Variants in CUX2 observed in about 807,000 individuals in gnomAD.
CUX2 encodes cut like homeobox 2, also known as homeobox protein cut-like 2.
In CUX2, 40 loss-of-function variants were observed where a neutral mutation model predicts 144.8. The ratio of observed to expected loss-of-function variants is 0.28; its 90% confidence interval spans 0.21 to 0.36. The LOEUF is 0.36. Ranked by LOEUF, CUX2 falls within the 10% of genes least tolerant of loss-of-function variation. CUX2 has a pLI of 1.00. For missense variants in CUX2, 1,615 were observed against 1,994.0 expected (o/e 0.81, Z 3.62); for synonymous variants, 827 against 875.6 (o/e 0.94, Z 0.98).
In CUX2 at chr12:111,263,089, T is replaced by C. The variant is rs1263059723; in HGVS notation, c.223-672T>C. 6.6e-6 allele frequency among the ~76,000 whole-genome samples: 1 copy of C among 152,182 alleles called. No individual in the cohort carries two copies. The highest frequency in any genetic ancestry group is 1.5e-5 in the Non-Finnish European group (1 of 68,038). On this transcript the variant is annotated intron_variant, in intron 3 of 21. Transcript: ENST00000261726. The surrounding 1 kb of genome is among the most constrained non-coding windows in gnomAD (Gnocchi z 4.0). ...CAGCCTGCACACAGTGGAGCTGGGCTTTCAACCCAGATTTTCTAACTCCAG... is the reference window on the plus strand; with the variant it reads ...CAGCCTGCACACAGTGGAGCTGGGCCTTCAACCCAGATTTTCTAACTCCAG...
chr12:111,090,863 T>G (rs1419780476), intron 1 of CUX2, among the ~76,000 whole-genome samples: 2 of 152,058 alleles, frequency 1.3e-5, no homozygotes, highest in Non-Finnish European at 1.5e-5. Context: ...GTTTGAGGTC[T>G]CCTTCTCATC....
chr12:111,237,975 C>G (rs571974212), intron 3 of CUX2, among the ~76,000 whole-genome samples: 1 of 152,324 alleles, frequency 6.6e-6, no homozygotes, highest in African/African-American at 2.4e-5. Flanking sequence ...CCACTAGATG[C>G]CAGGAGCACC....
At position 111,094,021 on chromosome 12, in the gene CUX2, C is replaced by T. The variant is rs191240368; in HGVS notation, c.63+59781C>T. ...TGCATAACTGCACTTTCTTCAGAAG[C>T]CTTGCGAGGCTGTTTAAATAAGTAT... is the stretch of plus-strand genomic sequence containing the variant. On this transcript the variant is annotated intron_variant, in intron 1 of 21. Coordinates refer to ENST00000261726, the MANE Select transcript of CUX2 (RefSeq NM_015267.4). 1.3e-3 allele frequency among the ~76,000 whole-genome samples: 191 copies of T among 152,306 alleles called. 2 individuals carry two copies. In the South Asian group the frequency reaches 0.022, roughly 18 times the overall value.
intron 1 of CUX2, among the ~76,000 whole-genome samples, chr12:111,173,626 G>A (rs961535640): frequency 6.6e-6 from 1 of 152,180 alleles, no homozygotes; most frequent in African/African-American, 2.4e-5. Flanking sequence ...AGGGGCTCAC[G>A]ACAGCAGGAA....
chr12:111,036,807 G>T (rs1382551627), intron 1 of CUX2, among the ~76,000 whole-genome samples: 2 of 152,068 alleles, frequency 1.3e-5, no homozygotes, highest in South Asian at 2.1e-4. Context: ...AGCCGTGGCC[G>T]CGTGCAAACA....
At chr12:111,121,415 C>T (rs528033292) in intron 1 of CUX2, among the ~76,000 whole-genome samples, 1 of 107,774 alleles carries the variant, frequency 9.3e-6, no homozygotes, top group Non-Finnish European at 1.7e-5. Context: ...CTTGCTCTAT[C>T]GCCCAAGCTG....
intron 1 of CUX2, among the ~76,000 whole-genome samples, chr12:111,099,183 C>T (rs1459185168): frequency 6.6e-6 from 1 of 152,210 alleles, no homozygotes; most frequent in Non-Finnish European, 1.5e-5. Context: ...ACCTGAAGGG[C>T]GACCAGGTCC....
intron 1 of CUX2, among the ~76,000 whole-genome samples, chr12:111,055,234 C>T (rs113771551): frequency 0.04 from 6,029 of 152,264 alleles, 412 homozygotes; most frequent in African/African-American, 0.14. Flanking sequence ...TGGCAGGAGT[C>T]GGGGCCTGGG....
At chr12:111,303,221 G>GAAA (rs5800927) in intron 9 of CUX2, among the ~76,000 whole-genome samples, 1 of 49,376 alleles carries the variant, frequency 2.0e-5, no homozygotes, top group Non-Finnish European at 3.7e-5. Context: ...ACCCTGTCTC[G>GAAA]AAAAAAAAAA....
chr12:111,086,665 C>A (rs1217822754), intron 1 of CUX2, among the ~76,000 whole-genome samples: 1 of 152,168 alleles, frequency 6.6e-6, no homozygotes, highest in South Asian at 2.1e-4. Flanking sequence ...AGCCATATGC[C>A]CTTTGGCCAC....
chr12:111,214,459 G>A lies in CUX2; in HGVS notation c.174+149G>A, dbSNP rs1315621525. 14 of 539,828 alleles carry A rather than the reference G, an allele frequency of 2.6e-5. No individual in the cohort carries two copies. In the East Asian group the frequency reaches 4.8e-4, roughly 19 times the overall value. 33.4% of individuals were successfully genotyped at this position (539,828 alleles called of 1,614,324 possible). ...GAAAAATGACAGCCCCTAACCTTTC[G>A]GGGTTTCTTGGCCTAGTGGTGCTCA... On this transcript the variant is annotated intron_variant, in intron 2 of 21. Transcript: ENST00000261726.
intron 1 of CUX2, among the ~76,000 whole-genome samples, chr12:111,146,732 G>T (rs1175255434): frequency 6.6e-6 from 1 of 152,200 alleles, no homozygotes; most frequent in Non-Finnish European, 1.5e-5. Context: ...CCCAGAGTCA[G>T]ACCCCGTAGG....
In CUX2 at chr12:111,296,508, C is replaced by T. The variant is rs910521289; in HGVS notation, c.673C>T (p.Arg225Trp). The T allele has an allele frequency of 3.1e-6, 5 of 1,611,458 alleles. No homozygotes were observed. The highest frequency in any genetic ancestry group is 1.7e-5 in the Admixed American group (1 of 59,788). ...KATQAELLEL[R>W]RKYDEEAASK... The stretch of plus-strand genomic sequence containing the variant: ...TACGCAGGCAGAGCTGCTAGAGCTG[C>T]GGCGGAAGTACGACGAGGAGGCAGC... Residue 225 changes from arginine (R) to tryptophan (W), a missense_variant, in exon 8 of 22, where the codon CGG becomes TGG. Physicochemically the swap from Arg to Trp is moderately radical, Grantham distance 101. This residue lies in a region of CUX2 where 295 missense variants were observed against 400.2 expected (regional missense o/e 0.74). Coordinates refer to ENST00000261726, the MANE Select transcript of CUX2 (RefSeq NM_015267.4).
chr12:111,225,658 G>T (rs1263002096), intron 3 of CUX2, among the ~76,000 whole-genome samples: 1 of 152,228 alleles, frequency 6.6e-6, no homozygotes, highest in Admixed American at 6.5e-5. Context: ...GCTGAGGATG[G>T]TGATTCTAGA....
At chr12:111,070,860 G>T (rs940362720) in intron 1 of CUX2, among the ~76,000 whole-genome samples, 2 of 152,162 alleles carry the variant, frequency 1.3e-5, no homozygotes, top group African/African-American at 4.8e-5. Flanking sequence ...GAATCATACA[G>T]TATGTAGCCT....
chr12:111,177,212 C>T (rs1204277931), intron 1 of CUX2, among the ~76,000 whole-genome samples: 8 of 152,090 alleles, frequency 5.3e-5, no homozygotes, highest in African/African-American at 1.9e-4. Context: ...GGAGCAGGGC[C>T]CGCGTTTACT....
At chr12:111,203,420 C>T (rs1880727095) in intron 1 of CUX2, among the ~76,000 whole-genome samples, 1 of 151,714 alleles carries the variant, frequency 6.6e-6, no homozygotes, top group South Asian at 2.1e-4. Flanking sequence ...TGGAGCACGC[C>T]AGTAGTCCTA....
chr12:111,240,872 C>A (rs1165421346), intron 3 of CUX2, among the ~76,000 whole-genome samples: 2 of 152,148 alleles, frequency 1.3e-5, no homozygotes, highest in African/African-American at 4.8e-5. Flanking sequence ...CTATTAATAC[C>A]TCAGGGTCTA....
intron 4 of CUX2, among the ~76,000 whole-genome samples, chr12:111,285,160 A>G (rs2136320824): frequency 6.6e-6 from 1 of 152,312 alleles, no homozygotes; most frequent in Admixed American, 6.5e-5. Flanking sequence ...TTTGGCCCAA[A>G]ATCACTCATC....
Sources: allele counts gnomAD v4.1 joint callset (sites outside exome capture counted in the v4.1 genomes callset), GRCh38; gene constraint gnomAD v4.1.1; regional missense constraint gnomAD v4.1.1; non-coding constraint Gnocchi (gnomAD v3.1); transcripts MANE v1.5; gene names NCBI Gene and HGNC (gene_info 2026-07-23, HGNC 2026-07-21).